Variants in KLHL6 observed in about 807,000 individuals in gnomAD.
KLHL6 encodes kelch-like protein 6.
A neutral mutation model predicts 58.6 loss-of-function variants in KLHL6; 41 were observed. The observed-to-expected ratio is 0.70, with a 90% CI of 0.55 to 0.91. The LOEUF (loss-of-function observed/expected upper bound fraction) is 0.91. Ranked by LOEUF, KLHL6 falls within the 40% of genes least tolerant of loss-of-function variation. The probability of loss-of-function intolerance (pLI) is 0.00; values close to 1 mark genes in which losing one functional copy is unlikely to be tolerated. For synonymous variants in KLHL6, 338 were observed against 322.7 expected, an observed-to-expected ratio of 1.05 and a Z score of -0.51; for missense variants, 714 against 805.6, an observed-to-expected ratio of 0.89 and a Z score of 1.38.
intron 4 of KLHL6, among the ~76,000 whole-genome samples, chr3:183,495,775 A>G (rs1475746059): frequency 6.6e-6 from 1 of 152,174 alleles, no homozygotes; most frequent in Non-Finnish European, 1.5e-5. Context: ...TTGAAAAAGA[A>G]AAGGGAAGAA....
intron 1 of KLHL6, among the ~76,000 whole-genome samples, chr3:183,553,017 A>G (rs1712989655): frequency 6.6e-6 from 1 of 152,182 alleles, no homozygotes; most frequent in Non-Finnish European, 1.5e-5. Flanking sequence ...CCTGGCCCAC[A>G]GTAAGCGCTC....
At chr3:183,510,641 G>A (rs933198100) in intron 2 of KLHL6, among the ~76,000 whole-genome samples, 2 of 152,218 alleles carry the variant, frequency 1.3e-5, no homozygotes, top group East Asian at 3.9e-4. Flanking sequence ...TTGGGAGGCC[G>A]AGGCATGCAG....
chr3:183,549,136 C>T (rs2108699275), intron 1 of KLHL6, among the ~76,000 whole-genome samples: 1 of 152,202 alleles, frequency 6.6e-6, no homozygotes, highest in East Asian at 1.9e-4. Flanking sequence ...GCATTCTGCA[C>T]ATGTATCCCA....
At chr3:183,534,105 A>AAAAGTACTTTACTTTTAAAGTACTTTT (rs1288275026) in intron 1 of KLHL6, among the ~76,000 whole-genome samples, 2 of 126,304 alleles carry the variant, frequency 1.6e-5, no homozygotes, top group African/African-American at 3.7e-5. Flanking sequence ...AAAGTACTTT[A>AAAAGTACTTTACTTTTAAAGTACTTTT]AAAGTACTTT....
chr3:183,506,836 A>G (rs995688840), intron 3 of KLHL6, among the ~76,000 whole-genome samples: 94 of 126,918 alleles, frequency 7.4e-4, no homozygotes, highest in Non-Finnish European at 1.3e-3. Flanking sequence ...TCAAAAATAA[A>G]TAAATAAATA....
chr3:183,533,254 TTTCCTTCCTTCCTTCTTTCC>T, intron 1 of KLHL6, among the ~76,000 whole-genome samples: 1 of 151,836 alleles, frequency 6.6e-6, no homozygotes, highest in Non-Finnish European at 1.5e-5. Context: ...TCATCAGTTC[TTTCCTTCCTTCCTTCTTTCC>T]TTCCTTCCTT....
intron 2 of KLHL6, chr3:183,522,155 G>A (rs7647563): frequency 0.5 from 75,912 of 150,578 alleles, 19,797 homozygotes; most frequent in Non-Finnish European, 0.58. Context: ...GTGAAACCCC[G>A]TCTCTAATAA....
At chr3:183,551,394 A>C (rs1313749737) in intron 1 of KLHL6, among the ~76,000 whole-genome samples, 1 of 152,206 alleles carries the variant, frequency 6.6e-6, no homozygotes, top group African/African-American at 2.4e-5. Flanking sequence ...GCATTGGACC[A>C]TATGAAAGAT....
chr3:183,508,628 G>T, intron 2 of KLHL6, 120 bp from the exon 3 acceptor site: 1 of 759,704 alleles, frequency 1.3e-6, no homozygotes, highest in Non-Finnish European at 2.1e-6. Flanking sequence ...AACAGTACAG[G>T]ATGAGCTAAA....
In KLHL6 at chr3:183,534,946, A is replaced by ATTTT. The variant is rs1247398286; in HGVS notation, c.294-6937_294-6936insAAAA. On this transcript the variant is annotated intron_variant, in intron 1 of 6. Transcript: ENST00000341319. The stretch of plus-strand genomic sequence containing the variant: ...TGCATATATATACATATATATATAT[A>ATTTT]TATATTTTTTTTTTTTGAGACAGAG... Among the ~76,000 whole-genome samples the ATTTT allele has an allele frequency of 5.0e-4, 48 of 96,744 alleles. 1 individual carries two copies. The highest frequency in any genetic ancestry group is 2.0e-3 in the African/African-American group (47 of 23,336). The allele number at this position is 96,744 out of a possible 152,430, so 63.5% of individuals were successfully genotyped here. A position where few individuals can be genotyped will look rare whatever the true frequency, so the allele number is the denominator to read the frequency against.
At chr3:183,513,207 C>T (rs1351820240) in intron 2 of KLHL6, among the ~76,000 whole-genome samples, 4 of 152,136 alleles carry the variant, frequency 2.6e-5, no homozygotes, top group Non-Finnish European at 5.9e-5. Context: ...TACTATAGGC[C>T]AGACTCTACA....
At chr3:183,539,104 T>C (rs543173143) in intron 1 of KLHL6, among the ~76,000 whole-genome samples, 48 of 152,280 alleles carry the variant, frequency 3.2e-4, no homozygotes, top group African/African-American at 1.1e-3. Flanking sequence ...AAAGCAAACT[T>C]TGAGAACCTC....
At chr3:183,502,302 C>CAAA (rs56296492) in intron 3 of KLHL6, among the ~76,000 whole-genome samples, 31 of 138,832 alleles carry the variant, frequency 2.2e-4, no homozygotes, top group African/African-American at 6.7e-4. Flanking sequence ...AACTCCATCT[C>CAAA]AAAAAAAAAA....
chr3:183,538,832 T>C (rs935657848), intron 1 of KLHL6, among the ~76,000 whole-genome samples: 2 of 152,208 alleles, frequency 1.3e-5, no homozygotes, highest in African/African-American at 2.4e-5. Flanking sequence ...GAGCTCAAGC[T>C]GTCCCCTAAG....
chr3:183,546,933 G>A (rs569039550), intron 1 of KLHL6, among the ~76,000 whole-genome samples: 31 of 130,828 alleles, frequency 2.4e-4, no homozygotes, highest in Middle Eastern at 4.5e-3. Context: ...TTTTTTTGAC[G>A]GAATCTCTCA....
chr3:183,530,390 G>C (rs1712115719), intron 1 of KLHL6, among the ~76,000 whole-genome samples: 1 of 152,184 alleles, frequency 6.6e-6, no homozygotes, highest in Admixed American at 6.5e-5. Context: ...TTGTTATAAA[G>C]TGGCAAAGAA....
At chr3:183,524,676 GA>G (rs1337803169) in intron 2 of KLHL6, among the ~76,000 whole-genome samples, 1 of 152,182 alleles carries the variant, frequency 6.6e-6, no homozygotes, top group Non-Finnish European at 1.5e-5. Flanking sequence ...CCTGCACCAG[GA>G]AATTCTGGGA....
At chr3:183,543,114 G>A (rs1712609424) in intron 1 of KLHL6, among the ~76,000 whole-genome samples, 1 of 152,058 alleles carries the variant, frequency 6.6e-6, no homozygotes, top group East Asian at 1.9e-4. Context: ...CCAACATGGC[G>A]AAACCCCATC....
Position 183,551,604 on chromosome 3 carries a change from G to A in KLHL6, c.293+3757C>T, listed in dbSNP as rs76792934. On this transcript the variant is annotated intron_variant, in intron 1 of 6. Coordinates refer to ENST00000341319, the MANE Select transcript of KLHL6 (RefSeq NM_130446.4). ...ATAACATTATGTTGAAAGATTACAG[G>A]GAAGGAAAGCTTATGGTAAGAGGTT... Among the ~76,000 whole-genome samples, 730 of 152,234 alleles carry A rather than the reference G, an allele frequency of 4.8e-3. 4 individuals carry two copies. The highest frequency in any genetic ancestry group is 0.017 in the African/African-American group (697 of 41,532).
Sources: gnomAD v4.1 joint callset for allele counts (sites outside exome capture counted in the v4.1 genomes callset) on GRCh38, gnomAD v4.1.1 for gene constraint, MANE v1.5 for transcripts, NCBI Gene and HGNC (gene_info 2026-07-23, HGNC 2026-07-21) for gene names.